Variants in DHX16 observed in about 807,000 individuals in gnomAD.
DHX16 encodes pre-mRNA-splicing factor ATP-dependent RNA helicase DHX16.
DHX16 carries 81 observed loss-of-function variants against 131.2 expected under a neutral mutation model. The ratio of observed to expected loss-of-function variants is 0.62; its 90% CI spans 0.52 to 0.74. The LOEUF is 0.74. Among genes scored for constraint, DHX16 ranks in the 30% least tolerant of loss-of-function variants. The pLI, the probability that DHX16 is intolerant of heterozygous loss-of-function variation, is 0.00. For synonymous variants in DHX16, 440 were observed against 520.2 expected, an observed-to-expected ratio of 0.85 and a Z score of 2.10; for missense variants, 980 against 1,363.1, an observed-to-expected ratio of 0.72 and a Z score of 4.43.
At chr6:30,664,725 T>G in intron 7 of DHX16, 76 bp downstream of exon 7, 1 of 1,333,954 alleles carries the variant, frequency 7.5e-7, no homozygotes, top group Non-Finnish European at 1.0e-6. Flanking sequence ...AAAAATATAA[T>G]GTAAAAGGAG....
In DHX16 at chr6:30,665,522, T is replaced by G; in HGVS notation, c.878A>C (p.Glu293Ala). The change falls in exon 5 of 20, where the codon GAG becomes GCG. Residue 293 changes from glutamate to alanine, a missense_variant. Glu to Ala is a moderately radical substitution (Grantham distance 107, BLOSUM62 -1). Around this residue, in one of 3 missense-constraint regions of DHX16, gnomAD observed 457 missense variants for 554.8 expected, o/e 0.82. Transcript: ENST00000376442. The surrounding 1 kb of genome is among the most constrained non-coding windows in gnomAD (Gnocchi z 4.8). ...GGGCATGTGGTAGCGATTGGTGGCC[T>G]CCAGCTTCTCCTGCTCCCCAGCTGC... ...YRAAGEQEKL[E>A]ATNRYHMPKE... 1 of 1,612,938 alleles carries G rather than the reference T, an allele frequency of 6.2e-7. No homozygotes were observed. Among genetic ancestry groups the G allele is most frequent in the Admixed American group, 1.7e-5 (1 of 59,992 alleles).
intron 1 of DHX16, among the ~76,000 whole-genome samples, chr6:30,672,429 C>A (rs1190766099): frequency 6.6e-6 from 1 of 152,038 alleles, no homozygotes. Flanking sequence ...GTTCGAGAAA[C>A]ACCGTTCTAT....
Position 30,656,003 on chromosome 6 carries a change from G to A in DHX16, c.2498+195C>T, listed in dbSNP as rs564683643. Among the ~76,000 whole-genome samples, 9 of 152,304 alleles carry A rather than the reference G, an allele frequency of 5.9e-5. No homozygotes were observed. The East Asian group carries it at 1.7e-3, about 29-fold the overall frequency. ...AAGTAAGTTCCTCAAGGGGCCGGGC[G>A]CAGTGGAATCAAGGATAGGATCAAG... On this transcript the variant is annotated intron_variant, in intron 16 of 19. Transcript: ENST00000376442. This position sits in a 1 kb window ranked among gnomAD's most constrained non-coding sequence, Gnocchi z 5.1.
At position 30,668,872 on chromosome 6, in the gene DHX16, G is replaced by A. The variant is rs1421354534; in HGVS notation, c.666+1538C>T. On this transcript the variant is annotated intron_variant, in intron 4 of 19. Coordinates refer to ENST00000376442, the MANE Select transcript of DHX16 (RefSeq NM_003587.5). Reference sequence around the variant, plus strand: ...TATAATCCCAGCACTTTGGGAGGCCGAGGCAGGTGGATCACCTGAGGTCAG... The same window carrying A: ...TATAATCCCAGCACTTTGGGAGGCCAAGGCAGGTGGATCACCTGAGGTCAG... 5.9e-5 allele frequency among the ~76,000 whole-genome samples: 9 copies of A among 151,706 alleles called. No individual in the cohort carries two copies. The South Asian group carries it at 1.3e-3, about 21-fold the overall frequency.
Position 30,669,905 on chromosome 6 carries a change from G to A in DHX16, c.666+505C>T, listed in dbSNP as rs569576262. Among the ~76,000 whole-genome samples, 14 of 152,136 alleles carry A rather than the reference G, an allele frequency of 9.2e-5. No homozygotes were observed. In the South Asian group the frequency reaches 2.9e-3, roughly 32 times the overall value. On this transcript the variant is annotated intron_variant, in intron 4 of 19. Coordinates refer to ENST00000376442, the MANE Select transcript of DHX16 (RefSeq NM_003587.5). ...AAAAAGTCCAGTTTATGAATTACAA[G>A]GGCTCTGTCCCTGTCCAGTGAGAAG...
chr6:30,672,126 C>T (rs1018900686), intron 1 of DHX16, among the ~76,000 whole-genome samples: 4 of 151,534 alleles, frequency 2.6e-5, no homozygotes, highest in Non-Finnish European at 2.9e-5. Context: ...CTGCGCAACA[C>T]ACCAAGGCCT....
rs1196250245 is a variant in DHX16, at chr6:30,672,876, G to GT, written c.-36dup. 12 of 1,609,198 alleles carry GT rather than the reference G, an allele frequency of 7.5e-6. No individual in the cohort carries two copies. The highest frequency in any genetic ancestry group is 1.0e-5 in the Non-Finnish European group (12 of 1,177,952). On this transcript the variant is annotated 5_prime_UTR_variant, in exon 1 of 20. Coordinates refer to ENST00000376442, the MANE Select transcript of DHX16 (RefSeq NM_003587.5). ...CGCTCCCTGCTCCCGGCCCTGAAGC[G>GT]TCGGGCAGCCGCGCTCACTGCTGGG...
At position 30,656,197 on chromosome 6, in the gene DHX16, C is replaced by T. The variant is rs1204808356; in HGVS notation, c.2498+1G>A. ...GGGCCCAGGTGGAGGCGAGGGCTTA[C>T]TTCTCAGAGGCTAAGATCATTTTGG... On this transcript the variant is annotated splice_donor_variant, in intron 16 of 19. Coordinates refer to ENST00000376442, the MANE Select transcript of DHX16 (RefSeq NM_003587.5). LOFTEE classifies it high-confidence loss of function. This position sits in a 1 kb window ranked among gnomAD's most constrained non-coding sequence, Gnocchi z 5.1. 1.2e-6 allele frequency: 2 copies of T among 1,612,902 alleles called. No individual in the cohort carries two copies. The highest frequency in any genetic ancestry group is 1.7e-6 in the Non-Finnish European group (2 of 1,180,018).
At chr6:30,668,650 CA>C (rs570726923) in intron 4 of DHX16, among the ~76,000 whole-genome samples, 1 of 149,384 alleles carries the variant, frequency 6.7e-6, no homozygotes, top group African/African-American at 2.5e-5. Flanking sequence ...GATTCTGTCT[CA>C]AAAAAAACCC....
In DHX16 at chr6:30,670,462, T is replaced by A. The variant is rs1295170008; in HGVS notation, c.614A>T (p.Tyr205Phe). The A allele has an allele frequency of 1.9e-6, 3 of 1,611,216 alleles. No homozygotes were observed. Among genetic ancestry groups the A allele is most frequent in the East Asian group, 4.5e-5 (2 of 44,868 alleles). The change falls in exon 4 of 20, where the codon TAT (tyrosine) becomes TTT (phenylalanine). Residue 205 changes from tyrosine to phenylalanine, a missense_variant. Physicochemically the swap from Tyr to Phe is conservative, Grantham distance 22. Coordinates refer to ENST00000376442, the MANE Select transcript of DHX16 (RefSeq NM_003587.5). This position sits in a 1 kb window ranked among gnomAD's most constrained non-coding sequence, Gnocchi z 4.4. ...NVLERSDKKA[Y>F]EEAQKRLKMA... ...CTTGAGGCGCTTCTGAGCCTCTTCA[T>A]AAGCCTAGAAGAAAAAACAAGAATG...
Position 30,662,812 on chromosome 6 carries a change from A to G in DHX16, c.1429-70T>C. On this transcript the variant is annotated intron_variant, in intron 8 of 19. Coordinates refer to ENST00000376442, the MANE Select transcript of DHX16 (RefSeq NM_003587.5). The surrounding 1 kb of genome is among the most constrained non-coding windows in gnomAD (Gnocchi z 4.7). Reference sequence around the variant, plus strand: ...CTGAAAGGAACTTGGGGAAAGGTGAAGTGGGGCAGCACCAAGACTTCTGCT... The same window carrying G: ...CTGAAAGGAACTTGGGGAAAGGTGAGGTGGGGCAGCACCAAGACTTCTGCT... 1.9e-6 allele frequency: 3 copies of G among 1,561,670 alleles called. No individual in the cohort carries two copies. The highest frequency in any genetic ancestry group is 2.6e-6 in the Non-Finnish European group (3 of 1,135,444).
chr6:30,660,909 A>AT (rs938209105), intron 9 of DHX16, among the ~76,000 whole-genome samples: 12 of 147,458 alleles, frequency 8.1e-5, no homozygotes, highest in East Asian at 2.0e-4. Flanking sequence ...AAGTGGAAGG[A>AT]TTTTTTTTTT....
In DHX16 at chr6:30,670,441, A is replaced by C; in HGVS notation, c.635T>G (p.Leu212Arg). ...KKAYEEAQKR[L>R]KMAEEDRKAM... ...CTTCCGGTCTTCCTCGGCCATCTTGAGGCGCTTCTGAGCCTCTTCATAAGC... is the reference window on the plus strand; with the variant it reads ...CTTCCGGTCTTCCTCGGCCATCTTGCGGCGCTTCTGAGCCTCTTCATAAGC... The change falls in exon 4 of 20, where the codon CTC becomes CGC. Residue 212 changes from leucine (L) to arginine (R), a missense_variant. Transcript: ENST00000376442. The surrounding 1 kb of genome is among the most constrained non-coding windows in gnomAD (Gnocchi z 4.4). The C allele has an allele frequency of 4.3e-6, 7 of 1,611,428 alleles. No individual in the cohort carries two copies. Among genetic ancestry groups the C allele is most frequent in the Non-Finnish European group, 5.1e-6 (6 of 1,179,222 alleles).
At chr6:30,653,458 A>C in intron 19 of DHX16, 88 bp from the exon 20 acceptor site, 6 of 1,440,604 alleles carry the variant, frequency 4.2e-6, no homozygotes, top group Non-Finnish European at 5.5e-6. Flanking sequence ...ATTGAAACAG[A>C]GTCTTGCTCT....
Position 30,671,176 on chromosome 6 carries a change from G to A in DHX16, c.306C>T (p.Asp102=). 6.2e-7 allele frequency: 1 copy of A among 1,612,976 alleles called. No individual in the cohort carries two copies. The highest frequency in any genetic ancestry group is 8.5e-7 in the Non-Finnish European group (1 of 1,180,026). The part of the protein sequence containing the change: ...EKNRSYRLLE[D]SEESSEETVS... Reference sequence around the variant, plus strand: ...CAGTCTCCTCACTGCTCTCTTCACTGTCTTCCAGTAACCTATAAGATCGGT... The same window carrying A: ...CAGTCTCCTCACTGCTCTCTTCACTATCTTCCAGTAACCTATAAGATCGGT... Residue 102 remains aspartate (D), a synonymous_variant, in exon 2 of 20, where the codon GAC becomes GAT. Transcript: ENST00000376442.
chr6:30,671,407 G>T, intron 1 of DHX16, 133 bp from the exon 2 acceptor site: 1 of 819,070 alleles, frequency 1.2e-6, no homozygotes, highest in Non-Finnish European at 2.0e-6. Flanking sequence ...TCAGGCAATG[G>T]CGTGATCTCG....
chr6:30,669,467 T>G (rs1769334231), intron 4 of DHX16, among the ~76,000 whole-genome samples: 1 of 150,000 alleles, frequency 6.7e-6, no homozygotes, highest in Non-Finnish European at 1.5e-5. Flanking sequence ...ACAAAACAAA[T>G]AAAAAGAAGG....
At chr6:30,659,866 G>A in intron 10 of DHX16, 32 bp from the exon 11 acceptor site, 3 of 1,605,430 alleles carry the variant, frequency 1.9e-6, no homozygotes, top group Non-Finnish European at 1.7e-6. Context: ...GGTCACAGGA[G>A]GGCCACCTGC....
rs376432352 is a variant in DHX16 at position 30,670,297 on chromosome 6, CA to C, written c.666+112del. The C allele has an allele frequency of 3.2e-3, 3,378 of 1,068,804 alleles. 64 individuals are homozygous for C. The South Asian group carries it at 0.032, about 10-fold the overall frequency. The allele number at this position is 1,068,804 out of a possible 1,614,324, so 66.2% of individuals were successfully genotyped here. On this transcript the variant is annotated intron_variant, in intron 4 of 19. Coordinates refer to ENST00000376442, the MANE Select transcript of DHX16 (RefSeq NM_003587.5). The surrounding 1 kb of genome is among the most constrained non-coding windows in gnomAD (Gnocchi z 4.4). ...CAAGCCCCTCTTCTAGAAACCTGAC[CA>C]CCCCATCAGCATCCACACTGTGCTT... is the stretch of plus-strand genomic sequence containing the variant.
Sources: gnomAD v4.1 joint callset for allele counts (sites outside exome capture counted in the v4.1 genomes callset) on GRCh38, gnomAD v4.1.1 for gene constraint, gnomAD v4.1.1 regional missense constraint, Gnocchi (gnomAD v3.1) non-coding constraint, MANE v1.5 for transcripts, NCBI Gene and HGNC (gene_info 2026-07-23, HGNC 2026-07-21) for gene names.